The following FHIT variants were observed in gnomAD, a reference collection of about 807,000 sequenced individuals.
FHIT encodes fragile histidine triad diadenosine triphosphatase, also known as bis(5'-adenosyl)-triphosphatase.
A neutral mutation model predicts 17.9 loss-of-function variants in FHIT; 19 were observed. The ratio of observed to expected loss-of-function variants is 1.06; its 90% CI spans 0.74 to 1.56. FHIT has a LOEUF of 1.56. Among genes scored for constraint, FHIT ranks in the 40% most tolerant of loss-of-function variants. FHIT has a pLI of 0.00. For synonymous variants in FHIT, 81 were observed against 69.7 expected (o/e 1.16, Z -0.81); for missense variants, 248 against 189.2 (o/e 1.31, Z -1.82).
intron 5 of FHIT, among the ~76,000 whole-genome samples, chr3:60,121,291 G>A (rs1705234682): frequency 6.6e-6 from 1 of 152,104 alleles, no homozygotes; most frequent in African/African-American, 2.4e-5. Context: ...TCGATAATAT[G>A]ACTATAATAA....
At chr3:60,951,012 G>A (rs1708863757) in intron 3 of FHIT, among the ~76,000 whole-genome samples, 1 of 152,154 alleles carries the variant, frequency 6.6e-6, no homozygotes, top group Non-Finnish European at 1.5e-5. Context: ...ATCAGCTCTA[G>A]ATTATCCTCT....
chr3:59,813,337 TTGGAAATGTG>T (rs1700474551), intron 8 of FHIT, among the ~76,000 whole-genome samples: 1 of 152,162 alleles, frequency 6.6e-6, no homozygotes, highest in Admixed American at 6.5e-5. Flanking sequence ...TATTTACACC[TTGGAAATGTG>T]TGGCTTCTGG....
At chr3:60,179,472 A>C (rs1338612826) in intron 5 of FHIT, among the ~76,000 whole-genome samples, 1 of 152,236 alleles carries the variant, frequency 6.6e-6, no homozygotes, top group East Asian at 1.9e-4. Flanking sequence ...AATGAAATTA[A>C]ACCATTAAAA....
At chr3:60,137,107 C>T (rs1166688328) in intron 5 of FHIT, among the ~76,000 whole-genome samples, 2 of 152,180 alleles carry the variant, frequency 1.3e-5, no homozygotes, top group Non-Finnish European at 2.9e-5. Flanking sequence ...ACTAACAAAT[C>T]ATTACATTTC....
At chr3:60,571,356 A>AAAAAAAAAAAAAAG (rs1559549048) in intron 4 of FHIT, among the ~76,000 whole-genome samples, 1 of 143,042 alleles carries the variant, frequency 7.0e-6, no homozygotes, top group African/African-American at 2.5e-5. Context: ...AAAAAAAAAA[A>AAAAAAAAAAAAAAG]AAAAAAAGAA....
chr3:59,892,437 G>A (rs117329530), intron 8 of FHIT, among the ~76,000 whole-genome samples: 270 of 152,298 alleles, frequency 1.8e-3, no homozygotes, highest in East Asian at 0.014. Context: ...TATAATGCCT[G>A]CCAGCCAAGA....
chr3:61,212,854 C>T (rs994276891), intron 1 of FHIT, among the ~76,000 whole-genome samples: 105 of 152,328 alleles, frequency 6.9e-4, no homozygotes, highest in African/African-American at 2.5e-3. Context: ...CCATATTCAA[C>T]ATTCTTAAAG....
chr3:61,182,455 A>G (rs2038371589), intron 2 of FHIT, among the ~76,000 whole-genome samples: 1 of 152,180 alleles, frequency 6.6e-6, no homozygotes, highest in Non-Finnish European at 1.5e-5. Context: ...CCCCACTGTA[A>G]ATATCCAATG....
At chr3:61,029,756 T>C (rs2032920913) in intron 3 of FHIT, among the ~76,000 whole-genome samples, 2 of 152,210 alleles carry the variant, frequency 1.3e-5, no homozygotes, top group East Asian at 3.8e-4. Context: ...CCAACTGTTA[T>C]TTGAGTCTAA....
At chr3:60,367,560 T>C (rs1455519388) in intron 5 of FHIT, among the ~76,000 whole-genome samples, 1 of 152,236 alleles carries the variant, frequency 6.6e-6, no homozygotes, top group African/African-American at 2.4e-5. Flanking sequence ...TTTGATGTAT[T>C]TGAAACACTT....
intron 2 of FHIT, among the ~76,000 whole-genome samples, chr3:61,141,149 G>T (rs1452144550): frequency 6.6e-6 from 1 of 151,392 alleles, no homozygotes; most frequent in Non-Finnish European, 1.5e-5. Flanking sequence ...GAGATGTGAA[G>T]TTTCCGGTGA....
chr3:60,242,578 C>T (rs1705187407), intron 5 of FHIT, among the ~76,000 whole-genome samples: 1 of 152,098 alleles, frequency 6.6e-6, no homozygotes, highest in Non-Finnish European at 1.5e-5. Context: ...AGAGCAGGTA[C>T]TTGAGGCAAA....
At chr3:60,828,290 C>T (rs1553741558) in intron 3 of FHIT, among the ~76,000 whole-genome samples, 2 of 152,096 alleles carry the variant, frequency 1.3e-5, no homozygotes, top group Non-Finnish European at 2.9e-5. Flanking sequence ...ACCATTTTAA[C>T]ATTATCATTA....
At chr3:59,944,447 C>T (rs1706693630) in intron 7 of FHIT, among the ~76,000 whole-genome samples, 2 of 152,198 alleles carry the variant, frequency 1.3e-5, no homozygotes, top group African/African-American at 4.8e-5. Flanking sequence ...TGTTCTCCAC[C>T]TCCACACTTT....
intron 5 of FHIT, among the ~76,000 whole-genome samples, chr3:60,063,761 A>T (rs977988497): frequency 2.0e-5 from 3 of 152,226 alleles, no homozygotes; most frequent in Admixed American, 6.5e-5. Context: ...TCCAAATAGT[A>T]TGCCAGAATT....
chr3:60,505,548 C>T (rs1363836507), intron 5 of FHIT, among the ~76,000 whole-genome samples: 1 of 152,058 alleles, frequency 6.6e-6, no homozygotes, highest in East Asian at 1.9e-4. Flanking sequence ...TACAGACGCA[C>T]ATTCTCTCTC....
chr3:59,846,836 T>C (rs1055023423), intron 8 of FHIT, among the ~76,000 whole-genome samples: 5 of 152,178 alleles, frequency 3.3e-5, no homozygotes, highest in Non-Finnish European at 1.5e-5. Context: ...TCTTTTGCAG[T>C]ACAGTTTTGT....
chr3:61,224,741 G>A (rs2039926485), intron 1 of FHIT, among the ~76,000 whole-genome samples: 1 of 152,074 alleles, frequency 6.6e-6, no homozygotes, highest in Non-Finnish European at 1.5e-5. Flanking sequence ...CATGATACCA[G>A]AACATTAAGC....
At chr3:59,828,448 T>G (rs1701050078) in intron 8 of FHIT, among the ~76,000 whole-genome samples, 1 of 152,218 alleles carries the variant, frequency 6.6e-6, no homozygotes, top group South Asian at 2.1e-4. Context: ...TCTTAGTCAT[T>G]GACAACTTTC....
Sources: gnomAD v4.1 joint callset for allele counts (sites outside exome capture counted in the v4.1 genomes callset) on GRCh38, gnomAD v4.1.1 for gene constraint, MANE v1.5 for transcripts, NCBI Gene and HGNC (gene_info 2026-07-23, HGNC 2026-07-21) for gene names.